Variants in PDE1C observed in about 807,000 individuals in gnomAD.
The protein encoded by PDE1C is phosphodiesterase 1C, also known as dual specificity calcium/calmodulin-dependent 3',5'-cyclic nucleotide phosphodiesterase 1C.
PDE1C carries 62 observed loss-of-function variants against 93.1 expected under a neutral mutation model. The observed-to-expected ratio is 0.67, with a 90% CI of 0.54 to 0.82. The LOEUF (loss-of-function observed/expected upper bound fraction) is 0.82, where lower values mean the gene tolerates loss of function less well. Ranked by LOEUF, PDE1C falls within the 40% of genes least tolerant of loss-of-function variation. The pLI is 0.00. For missense variants in PDE1C, 742 were observed against 884.6 expected, an observed-to-expected ratio of 0.84 and a Z score of 2.04; for synonymous variants, 325 against 310.1, an observed-to-expected ratio of 1.05 and a Z score of -0.50.
intron 2 of PDE1C, among the ~76,000 whole-genome samples, chr7:31,981,182 CTTA>C (rs1159591322): frequency 1.3e-5 from 2 of 152,170 alleles, no homozygotes; most frequent in African/African-American, 4.8e-5. Context: ...TTAACTCAAT[CTTA>C]TTATAATAAG....
chr7:31,875,831 ATAT>A (rs1796507416), intron 5 of PDE1C, among the ~76,000 whole-genome samples: 5 of 90,124 alleles, frequency 5.5e-5, no homozygotes, highest in African/African-American at 2.1e-4. Context: ...ATATATATAT[ATAT>A]AATGGAAAAA....
At chr7:31,736,046 G>T in the PDE1C span, among the ~76,000 whole-genome samples, 6 of 152,106 alleles carry the variant, frequency 3.9e-5, no homozygotes, top group African/African-American at 4.8e-5. Flanking sequence ...TTTTTTTGTG[G>T]ATTTTTTTTC....
At chr7:32,424,450 C>A (rs1785490784) in intron 1 of PDE1C, among the ~76,000 whole-genome samples, 1 of 152,162 alleles carries the variant, frequency 6.6e-6, no homozygotes, top group South Asian at 2.1e-4. Flanking sequence ...TTCCTCTGAC[C>A]ATAGCTGGAA....
intron 1 of PDE1C, among the ~76,000 whole-genome samples, chr7:32,406,865 C>T (rs1435133493): frequency 6.6e-6 from 1 of 152,168 alleles, no homozygotes; most frequent in Non-Finnish European, 1.5e-5. Flanking sequence ...AGATAGACAG[C>T]GTCCTGGTGA....
chr7:32,161,125 C>A (rs1419839784), intron 3 of PDE1C, among the ~76,000 whole-genome samples: 1 of 152,184 alleles, frequency 6.6e-6, no homozygotes, highest in Non-Finnish European at 1.5e-5. Flanking sequence ...CCCATTCATT[C>A]AATCAACAAA....
chr7:32,378,932 G>A (rs1431368592), intron 1 of PDE1C, among the ~76,000 whole-genome samples: 3 of 152,126 alleles, frequency 2.0e-5, no homozygotes, highest in Non-Finnish European at 4.4e-5. Flanking sequence ...CTTTTTTGGT[G>A]CAGCCAGCAG....
At chr7:31,876,257 C>G (rs1203544671) in intron 5 of PDE1C, among the ~76,000 whole-genome samples, 1 of 152,132 alleles carries the variant, frequency 6.6e-6, no homozygotes, top group Non-Finnish European at 1.5e-5. Context: ...AGCTTTAATG[C>G]ACATATCAAC....
chr7:32,240,574 A>C (rs1431481677), intron 1 of PDE1C, among the ~76,000 whole-genome samples: 2 of 152,210 alleles, frequency 1.3e-5, no homozygotes, highest in East Asian at 1.9e-4. Context: ...GAGCTGGTGA[A>C]AAGAATGCAG....
chr7:32,161,810 T>A (rs1801943346), intron 3 of PDE1C, among the ~76,000 whole-genome samples: 1 of 151,878 alleles, frequency 6.6e-6, no homozygotes, highest in Admixed American at 6.6e-5. Flanking sequence ...TTCCTGAGGG[T>A]TATTCTAGGA....
intron 1 of PDE1C, among the ~76,000 whole-genome samples, chr7:32,327,774 A>C (rs1239265070): frequency 6.7e-6 from 1 of 149,744 alleles, no homozygotes; most frequent in Non-Finnish European, 1.5e-5. Context: ...TGTCTCAAAA[A>C]AAAAAAAAAA....
chr7:31,944,802 A>C (rs1806382221), intron 2 of PDE1C, among the ~76,000 whole-genome samples: 1 of 152,188 alleles, frequency 6.6e-6, no homozygotes, highest in Admixed American at 6.5e-5. Flanking sequence ...CAATGTATCC[A>C]TGATATCTAA....
chr7:31,855,413 G>A (rs1391280959), intron 7 of PDE1C, among the ~76,000 whole-genome samples: 1 of 152,000 alleles, frequency 6.6e-6, no homozygotes, highest in African/African-American at 2.4e-5. Flanking sequence ...GGAAAATCCA[G>A]GCTAATCTCC....
intron 2 of PDE1C, among the ~76,000 whole-genome samples, chr7:31,927,581 C>T (rs987415918): frequency 1.6e-4 from 25 of 152,172 alleles, no homozygotes; most frequent in Middle Eastern, 3.2e-3. Context: ...CCCTCTGGGA[C>T]AAAGCTTCCA....
At chr7:32,104,947 A>C (rs776029476) in intron 3 of PDE1C, among the ~76,000 whole-genome samples, 23 of 152,194 alleles carry the variant, frequency 1.5e-4, no homozygotes, top group Non-Finnish European at 2.8e-4. Flanking sequence ...TTCCTCTTCA[A>C]GGCTTCAGGA....
At chr7:32,346,143 CA>C (rs1783849318) in intron 1 of PDE1C, among the ~76,000 whole-genome samples, 1 of 152,226 alleles carries the variant, frequency 6.6e-6, no homozygotes, top group South Asian at 2.1e-4. Context: ...AACTTCATGG[CA>C]CACAACAGTG....
chr7:32,151,124 CCTT>C (rs1801226723), intron 3 of PDE1C, among the ~76,000 whole-genome samples: 1 of 152,130 alleles, frequency 6.6e-6, no homozygotes, highest in African/African-American at 2.4e-5. Flanking sequence ...AAGCAATAAA[CCTT>C]CTTTCAAACC....
At chr7:32,061,076 C>CTCTA (rs1794747205) in intron 1 of PDE1C, among the ~76,000 whole-genome samples, 1 of 152,168 alleles carries the variant, frequency 6.6e-6, no homozygotes. Context: ...CTAGATGTAT[C>CTCTA]TCTAGAGTGT....
chr7:32,093,407 C>T (rs554824010), intron 3 of PDE1C, among the ~76,000 whole-genome samples: 9 of 152,344 alleles, frequency 5.9e-5, no homozygotes, highest in Admixed American at 2.6e-4. Flanking sequence ...TGCAAAATGT[C>T]AACTGCATCT....
the PDE1C span, among the ~76,000 whole-genome samples, chr7:31,661,496 T>G: frequency 6.6e-6 from 1 of 152,090 alleles, no homozygotes; most frequent in Non-Finnish European, 1.5e-5. Flanking sequence ...GTGGATCACC[T>G]GAGGTCAGGA....
Sources: gnomAD v4.1 joint callset for allele counts (sites outside exome capture counted in the v4.1 genomes callset) on GRCh38, gnomAD v4.1.1 for gene constraint, MANE v1.5 for transcripts, NCBI Gene and HGNC (gene_info 2026-07-23, HGNC 2026-07-21) for gene names.